Variants in GKAP1 observed in about 807,000 individuals in gnomAD.
GKAP1 encodes the protein G kinase-anchoring protein 1.
Under a neutral mutation model 56.7 loss-of-function variants are expected in GKAP1, and 31 were observed. The observed-to-expected ratio is 0.55, with a 90% confidence interval of 0.41 to 0.74. The LOEUF is 0.74. GKAP1 is among the 30% of genes least tolerant of loss of function. GKAP1 has a pLI of 0.00. For missense variants in GKAP1, 364 were observed against 402.3 expected (o/e 0.90, Z 0.82); for synonymous variants, 151 against 138.6 (o/e 1.09, Z -0.63).
chr9:83,811,683 GGGAA>G (rs759007781), intron 2 of GKAP1, among the ~76,000 whole-genome samples: 1 of 152,146 alleles, frequency 6.6e-6, no homozygotes, highest in African/African-American at 2.4e-5. Context: ...AATGGAAAGG[GGGAA>G]ATGCCCCTTT....
chr9:83,793,610 A>G (rs955740247), intron 4 of GKAP1, among the ~76,000 whole-genome samples: 16 of 152,348 alleles, frequency 1.1e-4, no homozygotes, highest in Admixed American at 9.8e-4. Flanking sequence ...AAGCAATAAA[A>G]ATGGTTCATG....
intron 9 of GKAP1, among the ~76,000 whole-genome samples, chr9:83,751,283 C>A (rs1943384525): frequency 6.6e-6 from 1 of 152,148 alleles, no homozygotes; most frequent in Non-Finnish European, 1.5e-5. Context: ...ATACAATTCT[C>A]TCTACCTGGA....
At chr9:83,799,533 T>C (rs992283630) in intron 3 of GKAP1, among the ~76,000 whole-genome samples, 1 of 152,216 alleles carries the variant, frequency 6.6e-6, no homozygotes, top group East Asian at 1.9e-4. Flanking sequence ...ATAATGTTGG[T>C]AGATCTATAT....
intron 11 of GKAP1, among the ~76,000 whole-genome samples, chr9:83,742,290 T>C (rs1943221414): frequency 6.6e-6 from 1 of 152,096 alleles, no homozygotes; most frequent in African/African-American, 2.4e-5. Context: ...GCCCTTTCTG[T>C]CTCTAAATTC....
chr9:83,761,008 A>G (rs947588463), intron 8 of GKAP1, among the ~76,000 whole-genome samples: 15 of 152,060 alleles, frequency 9.9e-5, no homozygotes, highest in African/African-American at 3.6e-4. Flanking sequence ...GAAATAATAA[A>G]CATCACAGCA....
intron 7 of GKAP1, among the ~76,000 whole-genome samples, chr9:83,770,979 GA>G (rs1432908095): frequency 6.6e-6 from 1 of 152,090 alleles, no homozygotes; most frequent in Non-Finnish European, 1.5e-5. Context: ...CATTCTCCAA[GA>G]AAAGGAGCAT....
chr9:83,759,934 A>C (rs1278511113), intron 8 of GKAP1, among the ~76,000 whole-genome samples: 1 of 152,226 alleles, frequency 6.6e-6, no homozygotes, highest in Non-Finnish European at 1.5e-5. Context: ...AATTTGCCAC[A>C]GTCTTTTCCA....
intron 4 of GKAP1, among the ~76,000 whole-genome samples, chr9:83,793,927 G>A (rs1018392252): frequency 3.9e-5 from 6 of 152,272 alleles, no homozygotes; most frequent in African/African-American, 1.2e-4. Flanking sequence ...AGCACTTTGG[G>A]AAGCTGAGGT....
intron 5 of GKAP1, among the ~76,000 whole-genome samples, chr9:83,785,476 A>G (rs1206741264): frequency 6.6e-6 from 1 of 152,152 alleles, no homozygotes; most frequent in Non-Finnish European, 1.5e-5. Context: ...CACGAAATGT[A>G]TTCTATCTTT....
chr9:83,779,488 T>TAC lies in GKAP1; in HGVS notation c.585+893_585+894insGT, dbSNP rs1564201572. ...ACGCACATATACATATACATACATA[T>TAC]ATACACATATACACATATATGTGTA... On this transcript the variant is annotated intron_variant, in intron 7 of 12. Transcript: ENST00000376371. Among the ~76,000 whole-genome samples, 325 of 121,484 alleles carry TAC rather than the reference T, an allele frequency of 2.7e-3. 8 individuals carry two copies. The highest frequency in any genetic ancestry group is 9.5e-3 in the Middle Eastern group (2 of 210). 79.7% of individuals were successfully genotyped at this position (121,484 alleles called of 152,430 possible). A position where few individuals can be genotyped will look rare whatever the true frequency, so the allele number is the denominator to read the frequency against.
Position 83,782,084 on chromosome 9 carries a change from C to T in GKAP1, c.563-1680G>A, listed in dbSNP as rs150985644. On this transcript the variant is annotated intron_variant, in intron 6 of 12. Transcript: ENST00000376371. ...GTCTTGATCTCCTAACCTCGTGATCCGCCCACCTCGGCCTCCCAAAGTGCT... is the reference window on the plus strand; with the variant it reads ...GTCTTGATCTCCTAACCTCGTGATCTGCCCACCTCGGCCTCCCAAAGTGCT... Among the ~76,000 whole-genome samples, 472 of 151,986 alleles carry T rather than the reference C, an allele frequency of 3.1e-3. 8 individuals carry two copies. The highest frequency in any genetic ancestry group is 0.011 in the African/African-American group (450 of 41,492).
intron 6 of GKAP1, among the ~76,000 whole-genome samples, chr9:83,782,932 A>G (rs1337603611): frequency 6.6e-6 from 1 of 151,952 alleles, no homozygotes. Flanking sequence ...GTCCCCGCAA[A>G]GTGCTAGGAT....
chr9:83,779,215 A>C (rs1382073397), intron 7 of GKAP1, among the ~76,000 whole-genome samples: 1 of 151,908 alleles, frequency 6.6e-6, no homozygotes, highest in East Asian at 1.9e-4. Context: ...TTTTAATCTA[A>C]AAAATGATGA....
intron 7 of GKAP1, among the ~76,000 whole-genome samples, chr9:83,770,794 AGGTGATCTGTCCGCCTCAGCC>A (rs1367324537): frequency 6.6e-6 from 1 of 152,188 alleles, no homozygotes; most frequent in African/African-American, 2.4e-5. Flanking sequence ...TCCTGACCTC[AGGTGATCTGTCCGCCTCAGCC>A]TCCCAAAGTG....
chr9:83,758,505 G>T (rs1300481599), intron 8 of GKAP1, among the ~76,000 whole-genome samples: 2 of 152,144 alleles, frequency 1.3e-5, no homozygotes, highest in Non-Finnish European at 2.9e-5. Context: ...GGCTGAGGCA[G>T]GCAGATCACT....
At chr9:83,813,642 A>T (rs1387938030) in intron 2 of GKAP1, among the ~76,000 whole-genome samples, 2 of 152,246 alleles carry the variant, frequency 1.3e-5, no homozygotes, top group Non-Finnish European at 1.5e-5. Context: ...GAAGGAAGAC[A>T]AAATAAATTC....
Position 83,776,948 on chromosome 9 carries a change from A to G in GKAP1, c.585+3434T>C, listed in dbSNP as rs146426097. On this transcript the variant is annotated intron_variant, in intron 7 of 12. Transcript: ENST00000376371. ...AGCATTAGTGCTAAAGCACAGTGCT[A>G]TAAGAAGGAAGTAGGTTGTAGAGAC... Among the ~76,000 whole-genome samples the G allele has an allele frequency of 3.3e-5, 5 of 152,354 alleles. 1 individual carries two copies. The South Asian group carries it at 8.3e-4, about 25-fold the overall frequency.
intron 2 of GKAP1, among the ~76,000 whole-genome samples, chr9:83,808,928 G>T (rs1944473057): frequency 6.6e-6 from 1 of 152,210 alleles, no homozygotes; most frequent in African/African-American, 2.4e-5. Flanking sequence ...TAGTGAGATG[G>T]AATTTCTATC....
At chr9:83,805,933 A>C (rs1944432944) in intron 3 of GKAP1, among the ~76,000 whole-genome samples, 1 of 152,186 alleles carries the variant, frequency 6.6e-6, no homozygotes, top group South Asian at 2.1e-4. Context: ...CCTATGCAAC[A>C]TGGCAAAACT....
Sources: gnomAD v4.1 joint callset for allele counts (sites outside exome capture counted in the v4.1 genomes callset) on GRCh38, gnomAD v4.1.1 for gene constraint, MANE v1.5 for transcripts, NCBI Gene and HGNC (gene_info 2026-07-23, HGNC 2026-07-21) for gene names.